The following ABCA12 variants were observed in gnomAD, a reference collection of about 807,000 sequenced individuals.
ABCA12 encodes glucosylceramide transporter ABCA12.
ABCA12 carries 156 observed loss-of-function variants against 293.5 expected under a neutral mutation model. The observed-to-expected ratio is 0.53, with a 90% CI of 0.47 to 0.61. The LOEUF (loss-of-function observed/expected upper bound fraction) is 0.61, where lower values mean the gene tolerates loss of function less well. Among genes scored for constraint, ABCA12 ranks in the 20% least tolerant of loss-of-function variants. The pLI is 0.00. For missense variants in ABCA12, 2,797 were observed against 3,090.2 expected (o/e 0.91, Z 2.25); for synonymous variants, 1,063 against 1,108.0 (o/e 0.96, Z 0.81).
intron 39 of ABCA12, among the ~76,000 whole-genome samples, chr2:214,965,172 C>T (rs768607531): frequency 6.6e-6 from 1 of 152,054 alleles, no homozygotes; most frequent in Non-Finnish European, 1.5e-5. Flanking sequence ...ACCGGCTAGC[C>T]ATATGCAGAA....
intron 2 of ABCA12, chr2:215,075,560 GAAA>G: frequency 3.5e-6 from 2 of 573,556 alleles, no homozygotes; most frequent in African/African-American, 1.9e-5. Flanking sequence ...ATTTATGCAG[GAAA>G]AAAAAAAAAT....
At chr2:215,004,958 G>C (rs1259764952) in intron 19 of ABCA12, 2 of 152,162 alleles carry the variant, frequency 1.3e-5, no homozygotes, top group African/African-American at 4.8e-5. Context: ...AAAATTAAAA[G>C]AAAAACATAA....
chr2:215,031,809 A>G lies in ABCA12; in HGVS notation c.1061+12T>C. Reference sequence around the variant, plus strand: ...AAGTTATCTACCTATTTAGAAATAAACAAAGACTTACTGTGCAGCCAGACT... The same window carrying G: ...AAGTTATCTACCTATTTAGAAATAAGCAAAGACTTACTGTGCAGCCAGACT... On this transcript the variant is annotated intron_variant, in intron 9 of 52. Coordinates refer to ENST00000272895, the MANE Select transcript of ABCA12 (RefSeq NM_173076.3). 1.2e-6 allele frequency: 2 copies of G among 1,613,886 alleles called. No homozygotes were observed. Among genetic ancestry groups the G allele is most frequent in the South Asian group, 2.2e-5 (2 of 91,080 alleles).
At position 214,935,575 on chromosome 2, in the gene ABCA12, T is replaced by C. The variant is rs143205680; in HGVS notation, c.7543-1360A>G. Reference sequence around the variant, plus strand: ...GCTTTGGGAGACCAAGGCAGAAAGATTGCTTCGGGCCAGGAGTTCAAGACC... The same window carrying C: ...GCTTTGGGAGACCAAGGCAGAAAGACTGCTTCGGGCCAGGAGTTCAAGACC... On this transcript the variant is annotated intron_variant, in intron 51 of 52. Transcript: ENST00000272895. Among the ~76,000 whole-genome samples the C allele has an allele frequency of 4.9e-3, 751 of 152,270 alleles. 3 individuals are homozygous for C. Among genetic ancestry groups the C allele is most frequent in the Non-Finnish European group, 8.5e-3 (581 of 68,016 alleles).
At position 214,958,958 on chromosome 2, in the gene ABCA12, C is replaced by T. The variant is rs1479072699; in HGVS notation, c.5939+66G>A. 29 of 1,438,440 alleles carry T rather than the reference C, an allele frequency of 2.0e-5. No homozygotes were observed. The East Asian group carries it at 4.5e-4, about 23-fold the overall frequency. 89.1% of individuals were successfully genotyped at this position (1,438,440 alleles called of 1,614,324 possible). On this transcript the variant is annotated intron_variant, in intron 40 of 52. Transcript: ENST00000272895. ...CAGATACAACTGTGATTTCCAATTACAGCACTTTATACAAAGGCTCAGCTA... is the reference window on the plus strand; with the variant it reads ...CAGATACAACTGTGATTTCCAATTATAGCACTTTATACAAAGGCTCAGCTA...
intron 33 of ABCA12, among the ~76,000 whole-genome samples, 177 bp downstream of exon 33, chr2:214,978,139 C>T (rs1163757338): frequency 3.9e-5 from 6 of 151,992 alleles, no homozygotes; most frequent in East Asian, 1.9e-4. Context: ...ATAGAGAATT[C>T]GATTTGGTTT....
At chr2:215,113,392 T>C (rs867009395) in intron 1 of ABCA12, among the ~76,000 whole-genome samples, 7 of 152,212 alleles carry the variant, frequency 4.6e-5, no homozygotes, top group African/African-American at 1.4e-4. Context: ...CTGAACAACT[T>C]AATCTAAAAC....
At chr2:214,981,260 TAGAA>T (rs1232338519) in intron 30 of ABCA12, among the ~76,000 whole-genome samples, 4 of 152,154 alleles carry the variant, frequency 2.6e-5, no homozygotes, top group Non-Finnish European at 5.9e-5. Flanking sequence ...CACAGTCTAT[TAGAA>T]TTTTGCTCCC....
intron 1 of ABCA12, among the ~76,000 whole-genome samples, chr2:215,117,061 A>C (rs974555542): frequency 3.9e-5 from 6 of 152,234 alleles, no homozygotes; most frequent in African/African-American, 1.4e-4. Flanking sequence ...TAGAAAATGT[A>C]CATTAAAGTA....
chr2:215,017,214 T>G (rs1411927755), intron 14 of ABCA12, among the ~76,000 whole-genome samples: 1 of 152,220 alleles, frequency 6.6e-6, no homozygotes, highest in Non-Finnish European at 1.5e-5. Context: ...TGCTTAGAAA[T>G]GACACACTCT....
chr2:215,126,336 T>C lies in ABCA12; in HGVS notation c.69+11804A>G, dbSNP rs562307054. 5.3e-5 allele frequency among the ~76,000 whole-genome samples: 8 copies of C among 152,256 alleles called. No individual in the cohort carries two copies. In the South Asian group the frequency reaches 1.4e-3, roughly 28 times the overall value. Reference sequence around the variant, plus strand: ...GAATGAATTAGGGGGTGGGGGTTCCTTCTTTCTCTATCTTGTGGAATAGTT... The same window carrying C: ...GAATGAATTAGGGGGTGGGGGTTCCCTCTTTCTCTATCTTGTGGAATAGTT... On this transcript the variant is annotated intron_variant, in intron 1 of 52. Transcript: ENST00000272895.
At chr2:215,092,793 C>T (rs1353512105) in intron 2 of ABCA12, among the ~76,000 whole-genome samples, 1 of 152,152 alleles carries the variant, frequency 6.6e-6, no homozygotes, top group Non-Finnish European at 1.5e-5. Flanking sequence ...CTCCTATCCT[C>T]AGTACCTCCC....
chr2:214,971,459 A>G (rs1699383851), intron 36 of ABCA12, among the ~76,000 whole-genome samples: 1 of 152,158 alleles, frequency 6.6e-6, no homozygotes, highest in Non-Finnish European at 1.5e-5. Flanking sequence ...CAACCAAGAC[A>G]AGATACAGAA....
At position 215,052,479 on chromosome 2, in the gene ABCA12, C is replaced by A. The variant is rs1559168178; in HGVS notation, c.507+8G>T. 1 of 1,610,318 alleles carries A rather than the reference C, an allele frequency of 6.2e-7. No individual in the cohort carries two copies. Among genetic ancestry groups the A allele is most frequent in the South Asian group, 1.1e-5 (1 of 90,978 alleles). ...CACTCTACCCATTACAAAATTGAATCAAGTTACCTTTTCCAAGCCAAGAAT... is the reference window on the plus strand; with the variant it reads ...CACTCTACCCATTACAAAATTGAATAAAGTTACCTTTTCCAAGCCAAGAAT... On this transcript the variant is annotated splice_region_variant and intron_variant, in intron 5 of 52. Coordinates refer to ENST00000272895, the MANE Select transcript of ABCA12 (RefSeq NM_173076.3).
At chr2:215,098,112 A>T (rs1702284568) in intron 2 of ABCA12, among the ~76,000 whole-genome samples, 1 of 152,188 alleles carries the variant, frequency 6.6e-6, no homozygotes, top group African/African-American at 2.4e-5. Flanking sequence ...AGAGCTGTGT[A>T]GAGAGGTGTA....
At position 214,950,907 on chromosome 2, in the gene ABCA12, T is replaced by C; in HGVS notation, c.6824A>G (p.Asn2275Ser). 1 of 1,614,196 alleles carries C rather than the reference T, an allele frequency of 6.2e-7. No homozygotes were observed. The change falls in exon 45 of 53, where the codon AAC (asparagine) becomes AGC (serine). Residue 2275 changes from asparagine (N) to serine (S), a missense_variant. By Grantham distance (46) the Asn-to-Ser change is conservative. Around this residue, in one of 3 missense-constraint regions of ABCA12, gnomAD observed 2,130 missense variants for 2,427.0 expected, o/e 0.88. Transcript: ENST00000272895. ...TCCAGCAGGTATCCCAATGCTGATG[T>C]TGTTTACAGCTATAATCTTTTTGTG... ...LIHKKIIAVN[N>S]ISIGIPAGEC... is the part of the protein sequence containing the mutation.
chr2:215,019,536 T>C lies in ABCA12; in HGVS notation c.1544+4A>G. On this transcript the variant is annotated splice_donor_region_variant and intron_variant, in intron 12 of 52. Coordinates refer to ENST00000272895, the MANE Select transcript of ABCA12 (RefSeq NM_173076.3). ...CCAAGGAAGAAGACAATGGAAAAAC[T>C]TACTGATCCATATTTAAATTAATTT... The C allele has an allele frequency of 6.2e-7, 1 of 1,614,222 alleles. No individual in the cohort carries two copies.
chr2:214,975,810 T>C lies in ABCA12; in HGVS notation c.5356A>G (p.Thr1786Ala). 6.2e-7 allele frequency: 1 copy of C among 1,614,064 alleles called. No homozygotes were observed. Among genetic ancestry groups the C allele is most frequent in the Non-Finnish European group, 8.5e-7 (1 of 1,179,964 alleles). ...EIQISPSLYG[T>A]SEQTAFYANY... ...GCATAGAAGGCTGTCTGTTCGGAGG[T>C]ACCATAAAGAGAGGGGGAGATCTGA... is the stretch of plus-strand genomic sequence containing the variant. Residue 1786 changes from threonine to alanine, a missense_variant, in exon 34 of 53, where the codon ACC becomes GCC. Around this residue, in one of 3 missense-constraint regions of ABCA12, gnomAD observed 2,130 missense variants for 2,427.0 expected, o/e 0.88. Transcript: ENST00000272895.
chr2:214,947,278 A>G (rs1489617443), intron 48 of ABCA12, 144 bp downstream of exon 48: 1 of 1,110,894 alleles, frequency 9.0e-7, no homozygotes, highest in Non-Finnish European at 1.3e-6. Context: ...GAGATAGTAT[A>G]CATAAAGTGC....
Sources: allele counts gnomAD v4.1 joint callset (sites outside exome capture counted in the v4.1 genomes callset), GRCh38; gene constraint gnomAD v4.1.1; regional missense constraint gnomAD v4.1.1; transcripts MANE v1.5; gene names NCBI Gene and HGNC (gene_info 2026-07-23, HGNC 2026-07-21).